The following FBXW8 variants were observed in gnomAD, a reference collection of about 807,000 sequenced individuals.
FBXW8 encodes the protein F-box/WD repeat-containing protein 8.
A neutral mutation model predicts 65.3 loss-of-function variants in FBXW8; 57 were observed. The ratio of observed to expected loss-of-function variants is 0.87; its 90% CI spans 0.71 to 1.09. The LOEUF (loss-of-function observed/expected upper bound fraction) is 1.09, where lower values mean the gene tolerates loss of function less well. Among genes scored for constraint, FBXW8 ranks in the 50% least tolerant of loss-of-function variants. The pLI is 0.00. For synonymous variants in FBXW8, 308 were observed against 330.2 expected (o/e 0.93, Z 0.73); for missense variants, 777 against 814.8 (o/e 0.95, Z 0.57).
At chr12:116,968,375 C>T (rs1002561141) in intron 5 of FBXW8, among the ~76,000 whole-genome samples, 6 of 152,072 alleles carry the variant, frequency 3.9e-5, no homozygotes, top group Admixed American at 2.0e-4. Flanking sequence ...TTTTAAAAAA[C>T]AAAAGATAGC....
chr12:116,932,768 G>A (rs918577282), intron 2 of FBXW8, among the ~76,000 whole-genome samples: 2 of 152,134 alleles, frequency 1.3e-5, no homozygotes, highest in Admixed American at 6.5e-5. Flanking sequence ...TCTTGACCTC[G>A]TGATCCACCT....
chr12:116,949,901 A>G, intron 4 of FBXW8, 195 bp downstream of exon 4: 4 of 603,794 alleles, frequency 6.6e-6, no homozygotes, highest in Non-Finnish European at 6.0e-6. Context: ...GGTGAGAAGC[A>G]CATGGTGTAG....
chr12:116,964,302 G>C (rs1884171159), intron 4 of FBXW8, among the ~76,000 whole-genome samples: 1 of 152,204 alleles, frequency 6.6e-6, no homozygotes, highest in Non-Finnish European at 1.5e-5. Flanking sequence ...ATCTCTCTCT[G>C]TCTTTCCTGT....
chr12:116,964,102 C>T (rs566139611), intron 4 of FBXW8, among the ~76,000 whole-genome samples: 4 of 152,300 alleles, frequency 2.6e-5, no homozygotes, highest in South Asian at 4.1e-4. Flanking sequence ...TGGGCAAAAC[C>T]GGGCAGTGTC....
Position 116,975,841 on chromosome 12 carries a change from C to T in FBXW8, c.836-9365C>T, listed in dbSNP as rs977799671. On this transcript the variant is annotated intron_variant, in intron 5 of 10. Coordinates refer to ENST00000652555, the MANE Select transcript of FBXW8 (RefSeq NM_153348.3). Reference sequence around the variant, plus strand: ...GGACAAGGAATGACTGAGTAATTGCCCCAGATTGGAGTCGATGAAGGAGAC... The same window carrying T: ...GGACAAGGAATGACTGAGTAATTGCTCCAGATTGGAGTCGATGAAGGAGAC... 7.2e-5 allele frequency among the ~76,000 whole-genome samples: 11 copies of T among 152,186 alleles called. No homozygotes were observed. The South Asian group carries it at 1.9e-3, about 26-fold the overall frequency.
chr12:116,990,850 T>TC (rs1953222251), intron 7 of FBXW8, among the ~76,000 whole-genome samples: 1 of 152,116 alleles, frequency 6.6e-6, no homozygotes, highest in Non-Finnish European at 1.5e-5. Flanking sequence ...AATCCTTGGT[T>TC]AAAAATGTAT....
intron 4 of FBXW8, among the ~76,000 whole-genome samples, chr12:116,963,107 C>T (rs1256236857): frequency 1.3e-5 from 2 of 152,176 alleles, no homozygotes; most frequent in Non-Finnish European, 2.9e-5. Flanking sequence ...TCAGAAAGCA[C>T]GTCTCTCCCG....
intron 4 of FBXW8, among the ~76,000 whole-genome samples, chr12:116,964,046 G>C (rs1884156288): frequency 6.6e-6 from 1 of 152,216 alleles, no homozygotes; most frequent in African/African-American, 2.4e-5. Flanking sequence ...TCATTTGTTG[G>C]AGTGGCACTA....
chr12:117,004,619 AC>A (rs1396688048), intron 7 of FBXW8, among the ~76,000 whole-genome samples: 2 of 152,108 alleles, frequency 1.3e-5, no homozygotes, highest in Non-Finnish European at 2.9e-5. Flanking sequence ...ACTGTTTTCC[AC>A]CCCGAACTGA....
intron 2 of FBXW8, among the ~76,000 whole-genome samples, chr12:116,938,765 C>T (rs531782169): frequency 6.6e-6 from 1 of 152,316 alleles, no homozygotes; most frequent in South Asian, 2.1e-4. Flanking sequence ...AGGCTCCATC[C>T]AACAAAACGA....
At chr12:117,025,819 A>C (rs1954215120) in intron 9 of FBXW8, among the ~76,000 whole-genome samples, 3 of 152,112 alleles carry the variant, frequency 2.0e-5, no homozygotes, top group African/African-American at 7.3e-5. Flanking sequence ...GTCCTCAGGG[A>C]TGGCTGCCAG....
intron 5 of FBXW8, among the ~76,000 whole-genome samples, chr12:116,966,273 T>C (rs1392701836): frequency 6.6e-6 from 1 of 152,222 alleles, no homozygotes; most frequent in Non-Finnish European, 1.5e-5. Flanking sequence ...AAATTATCAA[T>C]GAGTTTTGTT....
chr12:116,949,747 G>A (rs757629664), intron 4 of FBXW8, 41 bp downstream of exon 4: 3 of 1,589,498 alleles, frequency 1.9e-6, no homozygotes, highest in Admixed American at 3.3e-5. Flanking sequence ...GCATCTGAAG[G>A]TCTTTCATTT....
chr12:116,949,754 A>G, intron 4 of FBXW8, 48 bp downstream of exon 4: 3 of 1,546,872 alleles, frequency 1.9e-6, no homozygotes, highest in Non-Finnish European at 1.8e-6. Flanking sequence ...AAGGTCTTTC[A>G]TTTTTCTCAT....
intron 6 of FBXW8, 87 bp downstream of exon 6, chr12:116,985,489 C>A (rs1388890711): frequency 1.5e-6 from 2 of 1,321,340 alleles, no homozygotes; most frequent in African/African-American, 1.5e-5. Flanking sequence ...TTGGTAACTC[C>A]CATTCACTCA....
intron 2 of FBXW8, among the ~76,000 whole-genome samples, chr12:116,937,865 T>TA (rs397804024): frequency 3.3e-5 from 5 of 151,436 alleles, no homozygotes; most frequent in Non-Finnish European, 7.4e-5. Flanking sequence ...TTTTTTTTTT[T>TA]AATGCTGCAA....
intron 4 of FBXW8, among the ~76,000 whole-genome samples, chr12:116,962,279 T>G (rs1400378987): frequency 6.6e-6 from 1 of 152,218 alleles, no homozygotes; most frequent in Non-Finnish European, 1.5e-5. Flanking sequence ...CTCTCTTCTC[T>G]TTCTCTGAGT....
At chr12:116,941,425 G>T (rs995525566) in intron 2 of FBXW8, among the ~76,000 whole-genome samples, 1 of 152,176 alleles carries the variant, frequency 6.6e-6, no homozygotes, top group African/African-American at 2.4e-5. Context: ...AATTCCATGC[G>T]AAGTGTCCAT....
rs1954310805 is a variant in FBXW8, at chr12:117,029,473, G to A, written c.*1301G>A. ...AAACCCAGGGGATGGGGCTGGGAGG[G>A]GCTGTGAGGGGCTGGCACCTCAGCT... On this transcript the variant is annotated 3_prime_UTR_variant, in exon 11 of 11. Transcript: ENST00000652555. The A allele has an allele frequency of 6.6e-6, 1 of 152,206 alleles. No homozygotes were observed. Among genetic ancestry groups the A allele is most frequent in the Non-Finnish European group, 1.5e-5 (1 of 68,058 alleles). 9.4% of individuals were successfully genotyped at this position (152,206 alleles called of 1,614,324 possible).
Sources: gnomAD v4.1 joint callset for allele counts (sites outside exome capture counted in the v4.1 genomes callset) on GRCh38, gnomAD v4.1.1 for gene constraint, MANE v1.5 for transcripts, NCBI Gene and HGNC (gene_info 2026-07-23, HGNC 2026-07-21) for gene names.